PARD3B: variants seen among roughly 807,000 people sequenced by gnomAD.
PARD3B encodes the protein partitioning defective 3 homolog B.
Under a neutral mutation model 130.2 loss-of-function variants are expected in PARD3B, and 103 were observed. The observed-to-expected ratio is 0.79, with a 90% CI of 0.67 to 0.93. The LOEUF (loss-of-function observed/expected upper bound fraction) is 0.93, where lower values mean the gene tolerates loss of function less well. PARD3B is among the 40% of genes least tolerant of loss of function. PARD3B has a pLI of 0.00. For synonymous variants in PARD3B, 583 were observed against 553.2 expected, an observed-to-expected ratio of 1.05 and a Z score of -0.76; for missense variants, 1,609 against 1,499.2, an observed-to-expected ratio of 1.07 and a Z score of -1.21.
chr2:205,138,385 G>C (rs1197650248), intron 10 of PARD3B, among the ~76,000 whole-genome samples: 6 of 152,110 alleles, frequency 3.9e-5, no homozygotes, highest in Non-Finnish European at 7.3e-5. Context: ...AGTCTCCCTA[G>C]ATGAAGAATG....
intron 20 of PARD3B, among the ~76,000 whole-genome samples, chr2:205,444,568 G>A (rs374441966): frequency 5.6e-4 from 86 of 152,302 alleles, no homozygotes; most frequent in African/African-American, 1.9e-3. Flanking sequence ...TGCCAATCCC[G>A]TAGACAATGG....
chr2:205,074,686 G>A (rs75355893), intron 4 of PARD3B, among the ~76,000 whole-genome samples: 2,620 of 152,186 alleles, frequency 0.017, 32 homozygotes, highest in Non-Finnish European at 0.03. Context: ...ATTGTGCATC[G>A]CAAAATTTAC....
chr2:205,342,307 A>G lies in PARD3B; in HGVS notation c.2630+40606A>G, dbSNP rs576723152. On this transcript the variant is annotated intron_variant, in intron 18 of 22. Transcript: ENST00000406610. Reference sequence around the variant, plus strand: ...TTCTGTGGATTAGTTTCAATAACCTATAAGTAGTTTATACAGAAGGAGAAT... The same window carrying G: ...TTCTGTGGATTAGTTTCAATAACCTGTAAGTAGTTTATACAGAAGGAGAAT... Among the ~76,000 whole-genome samples, 41 of 152,302 alleles carry G rather than the reference A, an allele frequency of 2.7e-4. No individual in the cohort carries two copies. The South Asian group carries it at 7.9e-3, about 29-fold the overall frequency.
At chr2:205,163,562 A>G (rs770532707) in intron 11 of PARD3B, among the ~76,000 whole-genome samples, 1 of 152,226 alleles carries the variant, frequency 6.6e-6, no homozygotes, top group Non-Finnish European at 1.5e-5. Context: ...ATTTGGACCA[A>G]TACAAGCAAT....
chr2:205,426,631 CA>C (rs1277865990), intron 19 of PARD3B, among the ~76,000 whole-genome samples: 1 of 152,166 alleles, frequency 6.6e-6, no homozygotes, highest in African/African-American at 2.4e-5. Context: ...TGGGTTCATA[CA>C]GTAGCAACAA....
At chr2:204,676,826 C>T (rs919488223) in intron 1 of PARD3B, among the ~76,000 whole-genome samples, 12 of 151,860 alleles carry the variant, frequency 7.9e-5, no homozygotes, top group Non-Finnish European at 1.3e-4. Context: ...CGTGCCACCA[C>T]GCCCAGCTAA....
intron 20 of PARD3B, among the ~76,000 whole-genome samples, chr2:205,471,007 T>C (rs1271889516): frequency 6.6e-6 from 1 of 152,236 alleles, no homozygotes; most frequent in African/African-American, 2.4e-5. Context: ...TCTTGCAGTC[T>C]GATGTTTGAC....
intron 20 of PARD3B, among the ~76,000 whole-genome samples, chr2:205,481,258 G>A (rs976605878): frequency 2.6e-5 from 4 of 152,206 alleles, no homozygotes; most frequent in Admixed American, 1.3e-4. Flanking sequence ...AGAGCAGGGT[G>A]TGGGTGAAAC....
chr2:204,696,775 T>C (rs1010728334), intron 2 of PARD3B, among the ~76,000 whole-genome samples: 4 of 152,138 alleles, frequency 2.6e-5, no homozygotes, highest in Non-Finnish European at 4.4e-5. Context: ...CTAAACTTAA[T>C]GTTTACTCTT....
At chr2:204,642,403 G>C (rs2035109092) in intron 1 of PARD3B, among the ~76,000 whole-genome samples, 1 of 152,128 alleles carries the variant, frequency 6.6e-6, no homozygotes, top group Non-Finnish European at 1.5e-5. Flanking sequence ...CTATACCTAG[G>C]AATTTAATGA....
intron 10 of PARD3B, among the ~76,000 whole-genome samples, chr2:205,148,585 T>C (rs1190039371): frequency 6.6e-6 from 1 of 152,250 alleles, no homozygotes; most frequent in Non-Finnish European, 1.5e-5. Context: ...TGTGAAAATT[T>C]ATTTAGCTGT....
chr2:205,223,076 T>C (rs2038328956), intron 15 of PARD3B, among the ~76,000 whole-genome samples: 1 of 152,062 alleles, frequency 6.6e-6, no homozygotes, highest in Non-Finnish European at 1.5e-5. Flanking sequence ...TTCTAGGAAG[T>C]ACAGGTCCCA....
chr2:205,411,781 G>A (rs1466321074), intron 19 of PARD3B, among the ~76,000 whole-genome samples: 1 of 152,068 alleles, frequency 6.6e-6, no homozygotes, highest in East Asian at 1.9e-4. Context: ...TTGATCGCCG[G>A]TTGGAAGTTG....
rs375532900 is a variant in PARD3B, at chr2:204,660,989, T to TTA, written c.121-25192_121-25191insTA. Among the ~76,000 whole-genome samples the TTA allele has an allele frequency of 3.7e-3, 562 of 152,298 alleles. 3 individuals are homozygous for TTA. Among genetic ancestry groups the TTA allele is most frequent in the African/African-American group, 0.013 (546 of 41,568 alleles). ...AGTGCCTGGATACCTGTGTATTGGA[T>TTA]GAGCAGTTGAGTACTGATGCTTTCC... On this transcript the variant is annotated intron_variant, in intron 1 of 22. Coordinates refer to ENST00000406610, the MANE Select transcript of PARD3B (RefSeq NM_001302769.2).
chr2:204,947,288 T>C (rs137928519), intron 2 of PARD3B, among the ~76,000 whole-genome samples: 170 of 152,310 alleles, frequency 1.1e-3, no homozygotes, highest in African/African-American at 3.2e-3. Flanking sequence ...ATTTACAGTC[T>C]TTTTGAGAAT....
At chr2:205,377,122 T>C (rs570931732) in intron 18 of PARD3B, among the ~76,000 whole-genome samples, 1 of 152,244 alleles carries the variant, frequency 6.6e-6, no homozygotes, top group African/African-American at 2.4e-5. Flanking sequence ...ACAGCTCCTG[T>C]GTGTAAGGAC....
At chr2:204,992,992 GT>G (rs1184696564) in intron 3 of PARD3B, among the ~76,000 whole-genome samples, 1 of 103,650 alleles carries the variant, frequency 9.6e-6, no homozygotes, top group African/African-American at 3.7e-5. Flanking sequence ...AGACGATGGG[GT>G]TTTCTAGATA....
At chr2:205,398,665 A>G (rs2046124554) in intron 18 of PARD3B, among the ~76,000 whole-genome samples, 1 of 152,200 alleles carries the variant, frequency 6.6e-6, no homozygotes, top group Non-Finnish European at 1.5e-5. Flanking sequence ...GGACCATGGC[A>G]CAATTATGAA....
chr2:205,075,887 A>G (rs1013249868), intron 4 of PARD3B, among the ~76,000 whole-genome samples: 5 of 152,134 alleles, frequency 3.3e-5, no homozygotes, highest in East Asian at 1.9e-4. Flanking sequence ...TAAAACTAAT[A>G]TTCATCAAAA....
Sources: allele counts gnomAD v4.1 joint callset (sites outside exome capture counted in the v4.1 genomes callset), GRCh38; gene constraint gnomAD v4.1.1; transcripts MANE v1.5; gene names NCBI Gene and HGNC (gene_info 2026-07-23, HGNC 2026-07-21).